Variants in ABCA4 observed in about 807,000 individuals in gnomAD.
ABCA4 encodes the protein retinal-specific phospholipid-transporting ATPase ABCA4.
ABCA4 carries 196 observed loss-of-function variants against 263.7 expected under a neutral mutation model. The ratio of observed to expected loss-of-function variants is 0.74; its 90% CI spans 0.66 to 0.84. The LOEUF is 0.84. Ranked by LOEUF, ABCA4 falls within the 40% of genes least tolerant of loss-of-function variation. ABCA4 has a pLI of 0.00. For missense variants in ABCA4, 2,792 were observed against 2,855.1 expected, an observed-to-expected ratio of 0.98 and a Z score of 0.50; for synonymous variants, 1,133 against 1,094.2, an observed-to-expected ratio of 1.04 and a Z score of -0.70.
At chr1:94,013,665 T>G (rs1337347729) in intron 38 of ABCA4, among the ~76,000 whole-genome samples, 1 of 152,114 alleles carries the variant, frequency 6.6e-6, no homozygotes, top group South Asian at 2.1e-4. Flanking sequence ...CCCCTCTTTT[T>G]ATGATTCAGT....
intron 6 of ABCA4, among the ~76,000 whole-genome samples, chr1:94,091,784 G>A (rs879743451): frequency 1.3e-5 from 2 of 152,214 alleles, no homozygotes; most frequent in Non-Finnish European, 2.9e-5. Flanking sequence ...TACTAACTGA[G>A]GTCAGTCTAA....
chr1:94,120,899 T>TCCCCCCCCCCCCCC, intron 1 of ABCA4, 81 bp downstream of exon 1: 1 of 136,412 alleles, frequency 7.3e-6, no homozygotes, highest in South Asian at 4.3e-5. Context: ...CCCACCACCC[T>TCCCCCCCCCCCCCC]ACCCCACCAC....
chr1:94,063,795 G>A (rs1033032938), intron 11 of ABCA4, among the ~76,000 whole-genome samples: 1 of 152,184 alleles, frequency 6.6e-6, no homozygotes, highest in Non-Finnish European at 1.5e-5. Flanking sequence ...CCAGCTGAGG[G>A]AAGAGCAAGG....
chr1:94,085,670 A>G (rs1661809067), intron 6 of ABCA4, among the ~76,000 whole-genome samples: 1 of 152,200 alleles, frequency 6.6e-6, no homozygotes, highest in Non-Finnish European at 1.5e-5. Flanking sequence ...CCAGAAGAGA[A>G]GGCCATTACT....
rs775520715 is a variant in ABCA4 at position 94,011,229 on chromosome 1, G to A, written c.5584+33C>T. ...TAACCCTCCCAGCTTTGGACCCAGG[G>A]CCCATGCTCCATGGGCCTCGGCTAC... On this transcript the variant is annotated intron_variant, in intron 39 of 49. Transcript: ENST00000370225. 4.2e-5 allele frequency: 68 copies of A among 1,613,734 alleles called. 2 individuals carry two copies. Among genetic ancestry groups the A allele is most frequent in the East Asian group, 2.7e-4 (12 of 44,848 alleles).
At chr1:94,109,019 G>A (rs561048617) in intron 3 of ABCA4, among the ~76,000 whole-genome samples, 10 of 152,150 alleles carry the variant, frequency 6.6e-5, no homozygotes, top group South Asian at 2.1e-4. Flanking sequence ...TGATCCACCC[G>A]CCTCAGCCTC....
chr1:94,078,790 A>G, intron 9 of ABCA4, 84 bp from the exon 10 acceptor site: 1 of 936,986 alleles, frequency 1.1e-6, no homozygotes, highest in Non-Finnish European at 1.8e-6. Context: ...TTCTGCCCCT[A>G]TCACTTAGTG....
chr1:93,998,318 T>G (rs1296198960), intron 47 of ABCA4, among the ~76,000 whole-genome samples: 3 of 152,036 alleles, frequency 2.0e-5, no homozygotes, highest in African/African-American at 7.2e-5. Context: ...AGAAAGACCC[T>G]GTCTCTACGA....
At chr1:94,110,055 G>C (rs1198719202) in intron 3 of ABCA4, among the ~76,000 whole-genome samples, 1 of 152,096 alleles carries the variant, frequency 6.6e-6, no homozygotes, top group African/African-American at 2.4e-5. Flanking sequence ...AGGCCTCCCT[G>C]ATCCCACCAT....
chr1:94,087,038 T>C (rs479110), intron 6 of ABCA4, among the ~76,000 whole-genome samples: 39,971 of 152,150 alleles, frequency 0.26, 5,571 homozygotes, highest in Non-Finnish European at 0.32. Flanking sequence ...ATCTTCTCTC[T>C]GTGTCTTCAT....
chr1:93,999,994 T>A (rs1485308130), intron 47 of ABCA4, among the ~76,000 whole-genome samples: 1 of 152,230 alleles, frequency 6.6e-6, no homozygotes, highest in Non-Finnish European at 1.5e-5. Context: ...CTATTAGACC[T>A]TTCTCTCAAT....
At chr1:94,058,268 A>G (rs771971047) in intron 14 of ABCA4, among the ~76,000 whole-genome samples, 6 of 152,256 alleles carry the variant, frequency 3.9e-5, no homozygotes, top group Non-Finnish European at 8.8e-5. Flanking sequence ...ACGCAGCTCC[A>G]TAAAAGCAAG....
chr1:94,079,257 A>G (rs928065322), intron 9 of ABCA4, 65 bp downstream of exon 9: 1 of 1,597,788 alleles, frequency 6.3e-7, no homozygotes, highest in African/African-American at 1.4e-5. Context: ...TCTCACACAC[A>G]CACACACACA....
intron 47 of ABCA4, among the ~76,000 whole-genome samples, chr1:93,998,954 T>C (rs1223931429): frequency 2.0e-5 from 3 of 151,218 alleles, no homozygotes; most frequent in East Asian, 3.9e-4. Flanking sequence ...TTTCACTATG[T>C]TGGCCAGGCT....
intron 4 of ABCA4, 97 bp downstream of exon 4, chr1:94,108,480 A>C: frequency 1.3e-6 from 2 of 1,555,320 alleles, no homozygotes; most frequent in East Asian, 2.3e-5. Flanking sequence ...TGCCTCCGCT[A>C]GTATATTTTT....
At chr1:94,095,539 A>G (rs904451823) in intron 6 of ABCA4, among the ~76,000 whole-genome samples, 2 of 152,032 alleles carry the variant, frequency 1.3e-5, no homozygotes, top group South Asian at 2.1e-4. Context: ...CTGCGCGCCA[A>G]CCAGCTGCAA....
intron 43 of ABCA4, among the ~76,000 whole-genome samples, chr1:94,006,363 C>A (rs1659386171): frequency 6.6e-6 from 1 of 152,200 alleles, no homozygotes; most frequent in Non-Finnish European, 1.5e-5. Context: ...ACCATATAAT[C>A]CCAATTCTGT....
intron 11 of ABCA4, among the ~76,000 whole-genome samples, chr1:94,073,475 A>C (rs1035240311): frequency 6.6e-6 from 1 of 152,170 alleles, no homozygotes; most frequent in Non-Finnish European, 1.5e-5. Context: ...TCTCCTAAGC[A>C]GTGTTTTTTG....
chr1:94,005,553 T>C lies in ABCA4; in HGVS notation c.6035A>G (p.Gln2012Arg). The change falls in exon 44 of 50, where the codon CAA becomes CGA. Residue 2012 changes from glutamine (Q) to arginine (R), a missense_variant. Transcript: ENST00000370225. The stretch of plus-strand genomic sequence containing the variant: ...AAACTGAGGACAGTAGCCCATATTT[T>C]GATGGACTTCAGAAATATTGGTTAA... ...SILTNISEVH[Q>R]NMGYCPQFDA... 2 of 1,614,140 alleles carry C rather than the reference T, an allele frequency of 1.2e-6. No homozygotes were observed. The highest frequency in any genetic ancestry group is 1.7e-6 in the Non-Finnish European group (2 of 1,179,952).
Sources: allele counts gnomAD v4.1 joint callset (sites outside exome capture counted in the v4.1 genomes callset), GRCh38; gene constraint gnomAD v4.1.1; transcripts MANE v1.5; gene names NCBI Gene and HGNC (gene_info 2026-07-23, HGNC 2026-07-21).